Variants in DDAH1 observed in about 807,000 individuals in gnomAD.
DDAH1 encodes the protein dimethylarginine dimethylaminohydrolase 1.
A neutral mutation model predicts 28.8 loss-of-function variants in DDAH1; 19 were observed. The ratio of observed to expected loss-of-function variants is 0.66; its 90% CI spans 0.46 to 0.97. DDAH1 has a LOEUF of 0.97. DDAH1 is among the 50% of genes least tolerant of loss of function. The pLI is 0.00. For missense variants in DDAH1, 326 were observed against 375.9 expected (o/e 0.87, Z 1.10); for synonymous variants, 153 against 154.4 (o/e 0.99, Z 0.07).
intron 4 of DDAH1, among the ~76,000 whole-genome samples, chr1:85,341,957 T>G (rs1378473048): frequency 6.6e-6 from 1 of 152,212 alleles, no homozygotes; most frequent in East Asian, 1.9e-4. Context: ...TTTATAATTA[T>G]ATGGTTGCTA....
chr1:85,501,762 A>T (rs989552237), intron 1 of DDAH1, among the ~76,000 whole-genome samples: 3 of 152,192 alleles, frequency 2.0e-5, no homozygotes, highest in Admixed American at 1.3e-4. Context: ...GTCTGAAAAC[A>T]GTTGCTCCAT....
intron 1 of DDAH1, among the ~76,000 whole-genome samples, chr1:85,397,556 T>C (rs550681803): frequency 1.3e-5 from 2 of 152,340 alleles, no homozygotes; most frequent in South Asian, 4.1e-4. Flanking sequence ...AAGCTATCTC[T>C]AGCTCACAAT....
At chr1:85,572,539 C>T (rs550996260) in intron 1 of DDAH1, among the ~76,000 whole-genome samples, 1 of 152,340 alleles carries the variant, frequency 6.6e-6, no homozygotes, top group Non-Finnish European at 1.5e-5. Context: ...ATAAAATATT[C>T]ATCCTACAGA....
chr1:85,369,435 G>A (rs1425391707), intron 1 of DDAH1, among the ~76,000 whole-genome samples: 1 of 152,096 alleles, frequency 6.6e-6, no homozygotes, highest in Non-Finnish European at 1.5e-5. Flanking sequence ...CATAGCCACG[G>A]CAAGAGCCAT....
chr1:85,377,208 G>A (rs1017236920), intron 1 of DDAH1, among the ~76,000 whole-genome samples: 5 of 151,984 alleles, frequency 3.3e-5, no homozygotes, highest in East Asian at 3.8e-4. Context: ...CCTTGTTTAC[G>A]GTTTAACAAG....
chr1:85,576,499 G>C (rs1173049426), intron 1 of DDAH1, among the ~76,000 whole-genome samples: 1 of 152,176 alleles, frequency 6.6e-6, no homozygotes, highest in Non-Finnish European at 1.5e-5. Context: ...CCCTTCTGGG[G>C]ATAATGGAAT....
At chr1:85,546,257 G>A (rs1241052310) in intron 1 of DDAH1, among the ~76,000 whole-genome samples, 1 of 152,096 alleles carries the variant, frequency 6.6e-6, no homozygotes, top group African/African-American at 2.4e-5. Context: ...CGTTTTCTCA[G>A]GAGTTATCTT....
At chr1:85,330,757 T>C (rs1647711317) in intron 4 of DDAH1, among the ~76,000 whole-genome samples, 3 of 152,224 alleles carry the variant, frequency 2.0e-5, no homozygotes, top group Admixed American at 2.0e-4. Context: ...ATTATGGGGA[T>C]TAGATCAATT....
At chr1:85,392,524 A>G (rs1395963998) in intron 1 of DDAH1, among the ~76,000 whole-genome samples, 2 of 152,042 alleles carry the variant, frequency 1.3e-5, no homozygotes, top group Non-Finnish European at 2.9e-5. Flanking sequence ...GCTGGGTGTG[A>G]TGGCTCACAC....
At position 85,350,424 on chromosome 1, in the gene DDAH1, C is replaced by T. The variant is rs1201959273; in HGVS notation, c.588G>A (p.Lys196=). Residue 196 remains lysine (K), a synonymous_variant, in exon 4 of 6, where the codon AAG becomes AAA. Coordinates refer to ENST00000284031, the MANE Select transcript of DDAH1 (RefSeq NM_012137.4). ...ACAGTTTTGTATTTACCTTAAGGGCCTTCTGTGCAGATTCACTAGACCCAA... is the reference window on the plus strand; with the variant it reads ...ACAGTTTTGTATTTACCTTAAGGGCTTTCTGTGCAGATTCACTAGACCCAA... The part of the protein sequence containing the change: ...IAIGSSESAQ[K]ALKIMQQMSD... 34 of 1,613,514 alleles carry T rather than the reference C, an allele frequency of 2.1e-5. No homozygotes were observed. The highest frequency in any genetic ancestry group is 2.8e-5 in the Non-Finnish European group (33 of 1,179,884).
chr1:85,523,987 G>A (rs1657776695), intron 1 of DDAH1, among the ~76,000 whole-genome samples: 1 of 151,560 alleles, frequency 6.6e-6, no homozygotes, highest in African/African-American at 2.4e-5. Context: ...CACTTATTGA[G>A]TATCTACTGA....
chr1:85,551,927 T>C (rs1176093357), intron 1 of DDAH1, among the ~76,000 whole-genome samples: 3 of 152,190 alleles, frequency 2.0e-5, no homozygotes, highest in Non-Finnish European at 2.9e-5. Flanking sequence ...GCTGAGGGTC[T>C]GGGCCCTCTT....
At chr1:85,353,579 C>A (rs1414098275) in intron 2 of DDAH1, among the ~76,000 whole-genome samples, 1 of 151,872 alleles carries the variant, frequency 6.6e-6, no homozygotes, top group Admixed American at 6.6e-5. Flanking sequence ...ATATAAAGAT[C>A]AAAATTTAAC....
At chr1:85,385,415 A>AGTT (rs1041522359) in intron 1 of DDAH1, among the ~76,000 whole-genome samples, 14 of 152,256 alleles carry the variant, frequency 9.2e-5, no homozygotes, top group African/African-American at 3.1e-4. Flanking sequence ...ATTCTTTAAC[A>AGTT]GTTTGCTTTT....
chr1:85,434,960 T>C (rs1483831937), intron 1 of DDAH1, among the ~76,000 whole-genome samples: 1 of 152,114 alleles, frequency 6.6e-6, no homozygotes, highest in Non-Finnish European at 1.5e-5. Flanking sequence ...TAATAAGTAA[T>C]GATTACCCAG....
chr1:85,501,011 T>A (rs1224141514), intron 1 of DDAH1, among the ~76,000 whole-genome samples: 3 of 152,162 alleles, frequency 2.0e-5, no homozygotes, highest in Non-Finnish European at 4.4e-5. Flanking sequence ...TTTATAAGAG[T>A]TGTTTTAAAG....
intron 1 of DDAH1, among the ~76,000 whole-genome samples, chr1:85,498,460 A>G (rs1382459387): frequency 6.6e-6 from 1 of 152,240 alleles, no homozygotes; most frequent in Non-Finnish European, 1.5e-5. Context: ...ACATATTGGA[A>G]AACAGAAAAT....
At chr1:85,355,544 A>AT (rs1409807029) in intron 2 of DDAH1, among the ~76,000 whole-genome samples, 5 of 152,216 alleles carry the variant, frequency 3.3e-5, no homozygotes, top group Admixed American at 1.3e-4. Context: ...ATATCAGAAA[A>AT]TGAATTAATG....
intron 1 of DDAH1, among the ~76,000 whole-genome samples, chr1:85,409,572 C>T (rs540887502): frequency 6.6e-6 from 1 of 152,198 alleles, no homozygotes; most frequent in African/African-American, 2.4e-5. Context: ...CTGCCTAAAA[C>T]GTTGTTTACC....
Sources: gnomAD v4.1 joint callset for allele counts (sites outside exome capture counted in the v4.1 genomes callset) on GRCh38, gnomAD v4.1.1 for gene constraint, MANE v1.5 for transcripts, NCBI Gene and HGNC (gene_info 2026-07-23, HGNC 2026-07-21) for gene names.